Variants in ATF7IP observed in about 807,000 individuals in gnomAD.
ATF7IP encodes the protein activating transcription factor 7-interacting protein 1.
Under a neutral mutation model 106.4 loss-of-function variants are expected in ATF7IP, and 23 were observed. That is an observed-to-expected ratio of 0.22 (90% confidence interval 0.16 to 0.31). The LOEUF (loss-of-function observed/expected upper bound fraction) is 0.31. Ranked by LOEUF, ATF7IP falls within the 10% of genes least tolerant of loss-of-function variation. The probability of loss-of-function intolerance (pLI) is 1.00; values close to 1 mark genes in which losing one functional copy is unlikely to be tolerated. For synonymous variants in ATF7IP, 542 were observed against 539.0 expected, an observed-to-expected ratio of 1.01 and a Z score of -0.08; for missense variants, 1,334 against 1,524.3, an observed-to-expected ratio of 0.88 and a Z score of 2.08.
intron 13 of ATF7IP, 24 bp downstream of exon 13, chr12:14,481,209 G>A (rs1944417571): frequency 1.2e-6 from 2 of 1,611,102 alleles, no homozygotes; most frequent in Admixed American, 3.3e-5. Context: ...CTTGTATATG[G>A]CCCCAAGATA....
At chr12:14,373,672 G>A (rs996112423) in intron 1 of ATF7IP, among the ~76,000 whole-genome samples, 2 of 152,136 alleles carry the variant, frequency 1.3e-5, no homozygotes, top group African/African-American at 4.8e-5. Flanking sequence ...TAAGGAATTG[G>A]GAGAAGTGGT....
intron 1 of ATF7IP, among the ~76,000 whole-genome samples, chr12:14,387,191 C>T (rs1939284039): frequency 6.6e-6 from 1 of 152,034 alleles, no homozygotes; most frequent in Admixed American, 6.5e-5. Context: ...ATCATTCAGT[C>T]ATATGAACTG....
At chr12:14,435,840 A>C (rs1942377759) in intron 3 of ATF7IP, among the ~76,000 whole-genome samples, 2 of 152,206 alleles carry the variant, frequency 1.3e-5, no homozygotes, top group Admixed American at 1.3e-4. Context: ...ATTGTGAGGC[A>C]GTTCTTAGTA....
Position 14,496,223 on chromosome 12 carries a change from G to A in ATF7IP, c.3281-8G>A. 1 of 1,574,510 alleles carries A rather than the reference G, an allele frequency of 6.4e-7. No individual in the cohort carries two copies. Among genetic ancestry groups the A allele is most frequent in the Non-Finnish European group, 8.7e-7 (1 of 1,148,770 alleles). ...ATTTTATCCTGTAATTTTTTTGTTT[G>A]TTTGTAGGTGTTACAGTTCGAGTGC... On this transcript the variant is annotated splice_region_variant and splice_polypyrimidine_tract_variant and intron_variant, in intron 13 of 14. Coordinates refer to ENST00000261168, the MANE Select transcript of ATF7IP (RefSeq NM_018179.5).
chr12:14,396,305 A>G (rs997175176), intron 1 of ATF7IP, among the ~76,000 whole-genome samples: 3 of 152,144 alleles, frequency 2.0e-5, no homozygotes, highest in Non-Finnish European at 4.4e-5. Context: ...CTAGTTTCTG[A>G]AAGTTTGGTC....
At position 14,370,759 on chromosome 12, in the gene ATF7IP, T is replaced by C. The variant is rs556321354; in HGVS notation, c.-8+4932T>C. On this transcript the variant is annotated intron_variant, in intron 1 of 14. Coordinates refer to ENST00000261168, the MANE Select transcript of ATF7IP (RefSeq NM_018179.5). ...GGATGAATTAGGAGACAATATAAGGTTATATTTCTGTTTTCAATCTGGTTT... is the reference window on the plus strand; with the variant it reads ...GGATGAATTAGGAGACAATATAAGGCTATATTTCTGTTTTCAATCTGGTTT... Among the ~76,000 whole-genome samples the C allele has an allele frequency of 1.5e-4, 23 of 152,202 alleles. No individual in the cohort carries two copies. The Middle Eastern group carries it at 0.01, about 68-fold the overall frequency.
intron 2 of ATF7IP, among the ~76,000 whole-genome samples, chr12:14,433,736 A>T (rs781231881): frequency 1.9e-4 from 29 of 152,174 alleles, no homozygotes; most frequent in Non-Finnish European, 4.0e-4. Flanking sequence ...ATGACAAAAA[A>T]TACAGTTTAC....
intron 12 of ATF7IP, among the ~76,000 whole-genome samples, chr12:14,479,292 C>T (rs1036708351): frequency 6.6e-6 from 1 of 152,256 alleles, no homozygotes; most frequent in South Asian, 2.1e-4. Flanking sequence ...CTTGAAATAG[C>T]TTTAACTAGT....
At chr12:14,375,444 A>T (rs937027951) in intron 1 of ATF7IP, among the ~76,000 whole-genome samples, 1 of 152,184 alleles carries the variant, frequency 6.6e-6, no homozygotes, top group Non-Finnish European at 1.5e-5. Flanking sequence ...TGAGGAAAAG[A>T]TGGAATGATA....
chr12:14,480,888 C>T, intron 12 of ATF7IP, 115 bp from the exon 13 acceptor site: 1 of 865,364 alleles, frequency 1.2e-6, no homozygotes, highest in Non-Finnish European at 1.8e-6. Context: ...ACTGTTATTT[C>T]TGTTTCTGTC....
chr12:14,404,019 AT>A (rs111949675), intron 1 of ATF7IP, among the ~76,000 whole-genome samples: 52 of 148,026 alleles, frequency 3.5e-4, no homozygotes, highest in African/African-American at 4.4e-4. Context: ...AATTTGAGTG[AT>A]TTTTTTTTTT....
intron 1 of ATF7IP, among the ~76,000 whole-genome samples, chr12:14,371,080 A>G (rs1200644504): frequency 1.3e-5 from 2 of 151,974 alleles, no homozygotes; most frequent in African/African-American, 4.8e-5. Flanking sequence ...TTTATTTTCC[A>G]TTAAATCTCT....
chr12:14,483,385 G>A (rs1051839214), intron 13 of ATF7IP, among the ~76,000 whole-genome samples: 2 of 152,086 alleles, frequency 1.3e-5, no homozygotes, highest in Admixed American at 6.6e-5. Flanking sequence ...TTGGTAGTCC[G>A]GGACAGTCAC....
intron 5 of ATF7IP, among the ~76,000 whole-genome samples, chr12:14,445,321 A>G (rs1351540250): frequency 1.3e-5 from 2 of 151,970 alleles, no homozygotes; most frequent in Admixed American, 6.6e-5. Flanking sequence ...AAAAAATGAC[A>G]TTCTCGCATG....
At position 14,500,204 on chromosome 12, in the gene ATF7IP, A is replaced by T. The variant is rs906051652; in HGVS notation, c.*2131A>T. 6.6e-6 allele frequency: 1 copy of T among 152,182 alleles called. No individual in the cohort carries two copies. Among genetic ancestry groups the T allele is most frequent in the African/African-American group, 2.4e-5 (1 of 41,452 alleles). The allele number at this position is 152,182 out of a possible 1,614,324, so 9.4% of individuals were successfully genotyped here. On this transcript the variant is annotated 3_prime_UTR_variant, in exon 15 of 15. Transcript: ENST00000261168. ...CTTTTACTAATGTTGTTTTGTTTGC[A>T]ACTTTGATGGCTTATAATAGGAAGT... is the stretch of plus-strand genomic sequence containing the variant.
At chr12:14,497,568 G>T (rs760453248) in intron 14 of ATF7IP, 86 bp from the exon 15 acceptor site, 58 of 1,295,974 alleles carry the variant, frequency 4.5e-5, no homozygotes, top group Admixed American at 1.5e-4. Flanking sequence ...ATACTTCTAC[G>T]TATGTTCTCT....
intron 10 of ATF7IP, among the ~76,000 whole-genome samples, chr12:14,472,369 G>T (rs1944083348): frequency 6.6e-6 from 1 of 152,090 alleles, no homozygotes. Context: ...TTGTTATTTA[G>T]AAAATAAAAA....
intron 4 of ATF7IP, among the ~76,000 whole-genome samples, chr12:14,437,506 C>T (rs972051358): frequency 3.1e-4 from 47 of 152,126 alleles, no homozygotes; most frequent in African/African-American, 1.1e-3. Flanking sequence ...TGAGAGTTTA[C>T]TTCTTTAGAA....
At chr12:14,494,333 A>ATATATGTGTGTG (rs1234871100) in intron 13 of ATF7IP, among the ~76,000 whole-genome samples, 49 of 85,962 alleles carry the variant, frequency 5.7e-4, no homozygotes, top group African/African-American at 1.8e-3. Context: ...ATATATATAT[A>ATATATGTGTGTG]TGTGTGTGTG....
Sources: gnomAD v4.1 joint callset for allele counts (sites outside exome capture counted in the v4.1 genomes callset) on GRCh38, gnomAD v4.1.1 for gene constraint, MANE v1.5 for transcripts, NCBI Gene and HGNC (gene_info 2026-07-23, HGNC 2026-07-21) for gene names.